WNT5A: variants seen among roughly 807,000 people sequenced by gnomAD.
WNT5A encodes protein Wnt-5a.
In WNT5A, 9 loss-of-function variants were observed where a neutral mutation model predicts 42.1. That is an observed-to-expected ratio of 0.21 (90% confidence interval 0.13 to 0.37). The LOEUF is 0.37. Among genes scored for constraint, WNT5A ranks in the 10% least tolerant of loss-of-function variants. WNT5A has a pLI of 1.00. For missense variants in WNT5A, 426 were observed against 534.0 expected (o/e 0.80, Z 1.99); for synonymous variants, 210 against 210.0 (o/e 1.00, Z 0.00).
the WNT5A span, among the ~76,000 whole-genome samples, chr3:55,497,858 G>T: frequency 1.6e-4 from 24 of 152,196 alleles, no homozygotes; most frequent in African/African-American, 5.8e-4. Flanking sequence ...GGGAAGGATG[G>T]AAGAAAAGGA....
the WNT5A span, among the ~76,000 whole-genome samples, chr3:55,499,651 A>G: frequency 6.6e-6 from 1 of 152,144 alleles, no homozygotes; most frequent in African/African-American, 2.4e-5. Flanking sequence ...GGGAGAAGAA[A>G]AGACCTTAGA....
intron 4 of WNT5A, among the ~76,000 whole-genome samples, chr3:55,470,976 G>A (rs542363895): frequency 9.0e-4 from 137 of 152,182 alleles, no homozygotes; most frequent in African/African-American, 3.1e-3. Flanking sequence ...CCAGAGAGAT[G>A]AGCCACTCAC....
At chr3:55,475,640 C>A (rs894960619) in intron 3 of WNT5A, among the ~76,000 whole-genome samples, 3 of 152,190 alleles carry the variant, frequency 2.0e-5, no homozygotes, top group Admixed American at 6.5e-5. Flanking sequence ...CCCACTCCCC[C>A]ACTGCCTTTG....
the WNT5A span, among the ~76,000 whole-genome samples, chr3:55,499,980 CAAAA>C: frequency 0.045 from 6,395 of 140,682 alleles, 203 homozygotes; most frequent in Middle Eastern, 0.077. Flanking sequence ...ATCCCCCCTC[CAAAA>C]AAAAAAAAAA....
At chr3:55,477,611 T>G (rs1029959141) in intron 3 of WNT5A, among the ~76,000 whole-genome samples, 1 of 152,208 alleles carries the variant, frequency 6.6e-6, no homozygotes, top group African/African-American at 2.4e-5. Context: ...TACAGGCTTT[T>G]GTACCAAGGG....
chr3:55,485,614 C>T (rs2051562237), intron 1 of WNT5A, among the ~76,000 whole-genome samples: 1 of 152,170 alleles, frequency 6.6e-6, no homozygotes, highest in African/African-American at 2.4e-5. Context: ...CTGGCAGAGT[C>T]TGTCTAGAAA....
the WNT5A span, chr3:55,497,256 T>G: frequency 6.6e-6 from 1 of 152,260 alleles, no homozygotes; most frequent in African/African-American, 2.4e-5. Context: ...CTGTGGCCTC[T>G]TAGCTCAGTA....
At chr3:55,470,609 T>A (rs574310089) in intron 4 of WNT5A, 59 bp from the exon 5 acceptor site, 1 of 1,426,106 alleles carries the variant, frequency 7.0e-7, no homozygotes, top group South Asian at 1.5e-5. Flanking sequence ...ATGCAGGCTA[T>A]AGGAACAAAG....
At chr3:55,484,666 G>A (rs2051538766) in intron 1 of WNT5A, among the ~76,000 whole-genome samples, 1 of 147,836 alleles carries the variant, frequency 6.8e-6, no homozygotes, top group Non-Finnish European at 1.5e-5. Flanking sequence ...CCTTAGACTG[G>A]GCTTTCCAGG....
chr3:55,480,248 A>G (rs2051433342), intron 2 of WNT5A, among the ~76,000 whole-genome samples: 1 of 152,218 alleles, frequency 6.6e-6, no homozygotes, highest in African/African-American at 2.4e-5. Context: ...CCCTACCCAG[A>G]AAGAAACCCC....
the WNT5A span, chr3:55,501,824 T>C: frequency 6.6e-6 from 1 of 152,240 alleles, no homozygotes; most frequent in African/African-American, 2.4e-5. Context: ...TTGTCCAATT[T>C]TGTAAAAGGC....
chr3:55,503,094 C>A, the WNT5A span, among the ~76,000 whole-genome samples: 1 of 152,266 alleles, frequency 6.6e-6, no homozygotes, highest in Non-Finnish European at 1.5e-5. Context: ...CTGTCATTGG[C>A]AACAGTAACC....
the WNT5A span, among the ~76,000 whole-genome samples, chr3:55,504,133 A>G: frequency 2.0e-5 from 3 of 151,760 alleles, no homozygotes; most frequent in Non-Finnish European, 4.4e-5. Flanking sequence ...TTAGCCAGAC[A>G]TGGTGGCACA....
chr3:55,471,932 T>A (rs904701971), intron 4 of WNT5A, among the ~76,000 whole-genome samples: 1 of 152,208 alleles, frequency 6.6e-6, no homozygotes, highest in African/African-American at 2.4e-5. Context: ...GGCCAAAGTG[T>A]ACTCTCTTGG....
chr3:55,485,609 A>C (rs567057549), intron 1 of WNT5A, among the ~76,000 whole-genome samples: 1 of 152,268 alleles, frequency 6.6e-6, no homozygotes, highest in South Asian at 2.1e-4. Context: ...CTCCCCTGGC[A>C]GAGTCTGTCT....
Position 55,474,373 on chromosome 3 carries a change from G to C in WNT5A, c.648C>G (p.Ile216Met), listed in dbSNP as rs1213352508. The C allele has an allele frequency of 6.2e-7, 1 of 1,613,072 alleles. No individual in the cohort carries two copies. The highest frequency in any genetic ancestry group is 1.7e-5 in the Admixed American group (1 of 60,018). Residue 216 changes from isoleucine to methionine, a missense_variant, in exon 4 of 5, where the codon ATC (isoleucine) becomes ATG (methionine). By Grantham distance (10) the Ile-to-Met change is conservative. Transcript: ENST00000264634. ...CCTCGTTGTTGTGCAGGTTCATGAG[G>C]ATGCGAGCACTCTCGTAGGAGCCCT... ...HAKGSYESARILMNLHNNEAG... is the reference protein window; with the variant it reads ...HAKGSYESARMLMNLHNNEAG...
At chr3:55,485,602 C>G (rs1480649995) in intron 1 of WNT5A, among the ~76,000 whole-genome samples, 1 of 152,170 alleles carries the variant, frequency 6.6e-6, no homozygotes, top group Non-Finnish European at 1.5e-5. Flanking sequence ...CTCGAAACTC[C>G]CCTGGCAGAG....
At chr3:55,482,207 C>A (rs939286966) in intron 1 of WNT5A, among the ~76,000 whole-genome samples, 2 of 152,240 alleles carry the variant, frequency 1.3e-5, no homozygotes, top group Non-Finnish European at 2.9e-5. Flanking sequence ...CAAAGAGGCC[C>A]CCAGCGGCGA....
At position 55,467,549 on chromosome 3, in the gene WNT5A, G is replaced by A. The variant is rs1377362101; in HGVS notation, c.*2543C>T. 1.3e-5 allele frequency: 2 copies of A among 152,400 alleles called. No individual in the cohort carries two copies. Among genetic ancestry groups the A allele is most frequent in the African/African-American group, 4.8e-5 (2 of 41,402 alleles). The allele number at this position is 152,400 out of a possible 1,614,324, so 9.4% of individuals were successfully genotyped here. A position where few individuals can be genotyped will look rare whatever the true frequency, so the allele number is the denominator to read the frequency against. On this transcript the variant is annotated 3_prime_UTR_variant, in exon 5 of 5. Coordinates refer to ENST00000264634, the MANE Select transcript of WNT5A (RefSeq NM_003392.7). ...ATGGTTTCTCCAAAAATCTCCACAT[G>A]AATTATCTGAAGGACAATTGAAACC...
Sources: gnomAD v4.1 joint callset for allele counts (sites outside exome capture counted in the v4.1 genomes callset) on GRCh38, gnomAD v4.1.1 for gene constraint, MANE v1.5 for transcripts, NCBI Gene and HGNC (gene_info 2026-07-23, HGNC 2026-07-21) for gene names.